The following MRPL22 variants were observed in gnomAD, a reference collection of about 807,000 sequenced individuals.
MRPL22 encodes the protein large ribosomal subunit protein uL22m.
MRPL22 carries 27 observed loss-of-function variants against 32.4 expected under a neutral mutation model. The ratio of observed to expected loss-of-function variants is 0.83; its 90% CI spans 0.61 to 1.15. The LOEUF is 1.15. MRPL22 is among the 50% of genes most tolerant of loss of function. The pLI, the probability that MRPL22 is intolerant of heterozygous loss-of-function variation, is 0.00. For synonymous variants in MRPL22, 86 were observed against 87.3 expected, an observed-to-expected ratio of 0.99 and a Z score of 0.08; for missense variants, 239 against 260.2, an observed-to-expected ratio of 0.92 and a Z score of 0.56.
chr5:154,968,546 G>C lies in MRPL22; in HGVS notation c.*1649G>C, dbSNP rs1314088325. ...TTTGTTTAAAAATGCAAATTCCTGG[G>C]CTCTACTCTCAGACTAAGTGAATCA... On this transcript the variant is annotated 3_prime_UTR_variant, in exon 7 of 7. Transcript: ENST00000523037. 1 of 152,110 alleles carries C rather than the reference G, an allele frequency of 6.6e-6. No homozygotes were observed. Among genetic ancestry groups the C allele is most frequent in the Non-Finnish European group, 1.5e-5 (1 of 68,022 alleles). 9.4% of individuals were successfully genotyped at this position (152,110 alleles called of 1,614,324 possible).
chr5:154,943,429 TAAA>T lies in MRPL22; in HGVS notation c.77+2165_77+2167del, dbSNP rs1764446040. Among the ~76,000 whole-genome samples, 3 of 152,036 alleles carry T rather than the reference TAAA, an allele frequency of 2.0e-5. No individual in the cohort carries two copies. In the South Asian group the frequency reaches 6.2e-4, roughly 32 times the overall value. Reference sequence around the variant, plus strand: ...TTGCATATAGGCCCCAGACTAGAAATAAATAAACTAAGGGAAGTTGTCTATGTA... The same window carrying T: ...TTGCATATAGGCCCCAGACTAGAAATTAAACTAAGGGAAGTTGTCTATGTA... On this transcript the variant is annotated intron_variant, in intron 2 of 6. Transcript: ENST00000523037.
At chr5:154,958,077 C>T (rs1011637169) in intron 5 of MRPL22, among the ~76,000 whole-genome samples, 7 of 151,746 alleles carry the variant, frequency 4.6e-5, no homozygotes, top group African/African-American at 1.5e-4. Flanking sequence ...CCACCATACG[C>T]GGCTAATATT....
intron 3 of MRPL22, among the ~76,000 whole-genome samples, chr5:154,952,141 A>G (rs1035238675): frequency 1.3e-5 from 2 of 152,142 alleles, no homozygotes; most frequent in Admixed American, 6.5e-5. Flanking sequence ...TCGGCCTCCC[A>G]AAGTGCTGGG....
At chr5:154,953,345 G>A (rs975647574) in intron 3 of MRPL22, among the ~76,000 whole-genome samples, 7 of 126,890 alleles carry the variant, frequency 5.5e-5, no homozygotes, top group South Asian at 2.8e-4. Flanking sequence ...GTGACAGAGC[G>A]AGACTCCGTC....
intron 2 of MRPL22, among the ~76,000 whole-genome samples, chr5:154,947,819 C>T (rs868221213): frequency 6.6e-6 from 1 of 152,092 alleles, no homozygotes; most frequent in Non-Finnish European, 1.5e-5. Flanking sequence ...ATTAAGACAA[C>T]GCGAGAATCA....
intron 2 of MRPL22, among the ~76,000 whole-genome samples, chr5:154,945,599 C>T (rs1036343544): frequency 2.6e-5 from 4 of 151,576 alleles, no homozygotes; most frequent in Admixed American, 6.6e-5. Context: ...AGAAAGAGTC[C>T]GAGGATTGAT....
In MRPL22 at chr5:154,941,217, G is replaced by T. The variant is rs1017342942; in HGVS notation, c.29G>T (p.Gly10Val). 3 of 1,613,868 alleles carry T rather than the reference G, an allele frequency of 1.9e-6. No individual in the cohort carries two copies. The highest frequency in any genetic ancestry group is 1.3e-5 in the African/African-American group (1 of 74,904). Residue 10 changes from glycine to valine, a missense_variant and splice_region_variant, in exon 2 of 7, where the codon GGT becomes GTT. Transcript: ENST00000523037. MAAAVLGQLGALWIHNLRSR... is the reference protein window; with the variant it reads MAAAVLGQLVALWIHNLRSR... ...TTGACGGCTTGTGTTGATGTTGCAGGTGCGTTATGGATACATAACCTGAGG... is the reference window on the plus strand; with the variant it reads ...TTGACGGCTTGTGTTGATGTTGCAGTTGCGTTATGGATACATAACCTGAGG...
intron 2 of MRPL22, among the ~76,000 whole-genome samples, chr5:154,945,419 G>A (rs976375918): frequency 6.6e-6 from 1 of 152,184 alleles, no homozygotes; most frequent in African/African-American, 2.4e-5. Context: ...TCACTTTTGG[G>A]TTTGTTAAAT....
At position 154,941,237 on chromosome 5, in the gene MRPL22, C is replaced by G; in HGVS notation, c.49C>G (p.Leu17Val). 6.8e-6 allele frequency: 11 copies of G among 1,613,584 alleles called. 2 individuals carry two copies. Residue 17 changes from leucine (L) to valine (V), a missense_variant, in exon 2 of 7, where the codon CTG (leucine) becomes GTG (valine). Physicochemically the swap from Leu to Val is conservative, Grantham distance 32 (BLOSUM62 1). Coordinates refer to ENST00000523037, the MANE Select transcript of MRPL22 (RefSeq NM_014180.4). ...GQLGALWIHN[L>V]RSRGKLALGV... Reference sequence around the variant, plus strand: ...TGCAGGTGCGTTATGGATACATAACCTGAGGAGCCGGGGGAAGCTGGCCTT... The same window carrying G: ...TGCAGGTGCGTTATGGATACATAACGTGAGGAGCCGGGGGAAGCTGGCCTT...
intron 4 of MRPL22, 157 bp from the exon 5 acceptor site, chr5:154,956,978 A>C (rs1764638453): frequency 6.5e-6 from 4 of 613,444 alleles, no homozygotes; most frequent in Non-Finnish European, 1.1e-5. Flanking sequence ...ACTGAAAGAG[A>C]ATAGTGTCTC....
At chr5:154,956,509 C>T in intron 4 of MRPL22, 73 bp downstream of exon 4, 1 of 957,772 alleles carries the variant, frequency 1.0e-6, no homozygotes, top group Non-Finnish European at 1.6e-6. Flanking sequence ...CCCCACCCCT[C>T]ACCCCAGGAT....
chr5:154,968,114 G>A lies in MRPL22; in HGVS notation c.*1217G>A, dbSNP rs890514250. Reference sequence around the variant, plus strand: ...TTACCACTTTACAAAGGAATAAACCGAAGCACACAGAATTCAAATAACTAT... The same window carrying A: ...TTACCACTTTACAAAGGAATAAACCAAAGCACACAGAATTCAAATAACTAT... On this transcript the variant is annotated 3_prime_UTR_variant, in exon 7 of 7. Transcript: ENST00000523037. The A allele has an allele frequency of 5.9e-5, 9 of 152,126 alleles. No homozygotes were observed. Among genetic ancestry groups the A allele is most frequent in the East Asian group, 1.9e-4 (1 of 5,192 alleles). 9.4% of individuals were successfully genotyped at this position (152,126 alleles called of 1,614,324 possible).
intron 2 of MRPL22, among the ~76,000 whole-genome samples, chr5:154,949,668 C>T (rs1764533550): frequency 6.6e-6 from 1 of 152,124 alleles, no homozygotes; most frequent in African/African-American, 2.4e-5. Context: ...GAACACCATT[C>T]AAGAGTGATT....
chr5:154,947,894 G>T (rs908835501), intron 2 of MRPL22, among the ~76,000 whole-genome samples: 2 of 152,186 alleles, frequency 1.3e-5, no homozygotes, highest in Non-Finnish European at 2.9e-5. Flanking sequence ...ACTTAAAACA[G>T]GATAAGCATT....
chr5:154,958,059 G>A (rs1764654075), intron 5 of MRPL22, among the ~76,000 whole-genome samples: 1 of 151,612 alleles, frequency 6.6e-6, no homozygotes, highest in South Asian at 2.1e-4. Flanking sequence ...TGGGACTACA[G>A]CTGCGCGCCA....
At chr5:154,942,773 A>G (rs1262116014) in intron 2 of MRPL22, among the ~76,000 whole-genome samples, 8 of 152,194 alleles carry the variant, frequency 5.3e-5, no homozygotes, top group Non-Finnish European at 1.0e-4. Context: ...TAGCTTGTGT[A>G]TCTTGGAGAA....
chr5:154,950,700 C>G, intron 2 of MRPL22, 121 bp from the exon 3 acceptor site: 1 of 741,140 alleles, frequency 1.3e-6, no homozygotes. Flanking sequence ...TAGAATATTT[C>G]CAGTTGTGAT....
intron 6 of MRPL22, among the ~76,000 whole-genome samples, chr5:154,964,416 G>T (rs1040051374): frequency 5.3e-5 from 8 of 152,126 alleles, no homozygotes; most frequent in Admixed American, 3.9e-4. Context: ...ATATACAAAA[G>T]CAGTTTGAAA....
chr5:154,941,361 G>A, intron 2 of MRPL22, 96 bp downstream of exon 2: 1 of 1,499,624 alleles, frequency 6.7e-7, no homozygotes, highest in South Asian at 1.2e-5. Context: ...CTGTGTTTTA[G>A]GCTCTGGGGT....
Sources: gnomAD v4.1 joint callset for allele counts (sites outside exome capture counted in the v4.1 genomes callset) on GRCh38, gnomAD v4.1.1 for gene constraint, MANE v1.5 for transcripts, NCBI Gene and HGNC (gene_info 2026-07-23, HGNC 2026-07-21) for gene names.